Variants in SNTG1 observed in about 807,000 individuals in gnomAD.
The protein encoded by SNTG1 is gamma-1-syntrophin.
Under a neutral mutation model 74.7 loss-of-function variants are expected in SNTG1, and 39 were observed. That is an observed-to-expected ratio of 0.52 (90% CI 0.40 to 0.68). The LOEUF is 0.68. Ranked by LOEUF, SNTG1 falls within the 30% of genes least tolerant of loss-of-function variation. The pLI is 0.00. For synonymous variants in SNTG1, 254 were observed against 217.1 expected, an observed-to-expected ratio of 1.17 and a Z score of -1.49; for missense variants, 685 against 609.5, an observed-to-expected ratio of 1.12 and a Z score of -1.30.
intron 2 of SNTG1, among the ~76,000 whole-genome samples, chr8:50,280,826 G>C (rs2088398586): frequency 6.6e-6 from 1 of 151,878 alleles, no homozygotes; most frequent in Admixed American, 6.6e-5. Flanking sequence ...ACCTTTAACA[G>C]GTGCTAGACT....
intron 1 of SNTG1, among the ~76,000 whole-genome samples, chr8:50,152,275 T>G (rs2131545102): frequency 6.6e-6 from 1 of 152,314 alleles, no homozygotes; most frequent in Admixed American, 6.5e-5. Flanking sequence ...TCTTCCTCCA[T>G]CTCTTTATTT....
intron 15 of SNTG1, among the ~76,000 whole-genome samples, chr8:50,674,696 T>A (rs2095301880): frequency 6.6e-6 from 1 of 152,028 alleles, no homozygotes; most frequent in South Asian, 2.1e-4. Flanking sequence ...TTATTTCTTG[T>A]CTTCTGCTAA....
intron 1 of SNTG1, among the ~76,000 whole-genome samples, chr8:49,942,130 A>T (rs1002691762): frequency 6.6e-6 from 1 of 152,188 alleles, no homozygotes; most frequent in African/African-American, 2.4e-5. Flanking sequence ...AGAGGAGTAA[A>T]GGTAATATTG....
chr8:50,125,455 T>A (rs1446170857), intron 1 of SNTG1, among the ~76,000 whole-genome samples: 1 of 142,696 alleles, frequency 7.0e-6, no homozygotes, highest in Non-Finnish European at 1.6e-5. Context: ...TTAGGTTTTC[T>A]TTATTTATGA....
chr8:50,243,422 A>G (rs894444267), intron 2 of SNTG1, among the ~76,000 whole-genome samples: 5 of 152,162 alleles, frequency 3.3e-5, no homozygotes, highest in African/African-American at 1.2e-4. Flanking sequence ...TTGATTTTTA[A>G]AGATCCTCTC....
At chr8:50,503,783 T>C (rs559203684) in intron 9 of SNTG1, among the ~76,000 whole-genome samples, 1 of 152,220 alleles carries the variant, frequency 6.6e-6, no homozygotes, top group Non-Finnish European at 1.5e-5. Context: ...CATCTTTCTG[T>C]TGAAGATACC....
chr8:50,052,395 G>A (rs1225219330), intron 1 of SNTG1, among the ~76,000 whole-genome samples: 2 of 152,078 alleles, frequency 1.3e-5, no homozygotes, highest in Admixed American at 1.3e-4. Context: ...TAAGTTGGAT[G>A]CCTAATTTAC....
Position 50,285,762 on chromosome 8 carries a change from G to A in SNTG1, c.-27-108450G>A, listed in dbSNP as rs148587488. On this transcript the variant is annotated intron_variant, in intron 2 of 18. Coordinates refer to ENST00000642720, the MANE Select transcript of SNTG1 (RefSeq NM_018967.5). ...AATGGAATTTACAAAAACCATAAGG[G>A]CGTCATTCTTTTTTAAAATGTATTA... Among the ~76,000 whole-genome samples, 1,080 of 150,730 alleles carry A rather than the reference G, an allele frequency of 7.2e-3. 8 individuals carry two copies. The highest frequency in any genetic ancestry group is 0.021 in the Middle Eastern group (6 of 290).
At chr8:50,732,105 C>T (rs1221564885) in intron 17 of SNTG1, among the ~76,000 whole-genome samples, 2 of 151,946 alleles carry the variant, frequency 1.3e-5, no homozygotes, top group Non-Finnish European at 2.9e-5. Flanking sequence ...TCATATGACT[C>T]TAATACACAT....
chr8:49,999,406 C>T (rs750068396), intron 1 of SNTG1, among the ~76,000 whole-genome samples: 2 of 152,134 alleles, frequency 1.3e-5, no homozygotes, highest in Admixed American at 6.6e-5. Context: ...AGTGTTTCCT[C>T]ATCTGTCATT....
At chr8:50,279,567 T>C (rs184104327) in intron 2 of SNTG1, among the ~76,000 whole-genome samples, 43 of 152,298 alleles carry the variant, frequency 2.8e-4, no homozygotes, top group Admixed American at 2.5e-3. Context: ...ATCATGTAAA[T>C]TTAAAAAAAT....
intron 17 of SNTG1, among the ~76,000 whole-genome samples, chr8:50,725,494 T>C (rs147098210): frequency 5.9e-5 from 9 of 152,260 alleles, no homozygotes; most frequent in Admixed American, 3.3e-4. Context: ...CTTAATAATA[T>C]AATAAACAAC....
chr8:50,351,173 G>T (rs1007704284), intron 2 of SNTG1, among the ~76,000 whole-genome samples: 4 of 152,296 alleles, frequency 2.6e-5, no homozygotes, highest in African/African-American at 9.6e-5. Flanking sequence ...TGCCTGTGTT[G>T]CTCTTCTGAT....
intron 13 of SNTG1, among the ~76,000 whole-genome samples, chr8:50,620,960 T>G (rs1381445502): frequency 6.6e-6 from 1 of 152,108 alleles, no homozygotes; most frequent in African/African-American, 2.4e-5. Flanking sequence ...CATAGGCTAT[T>G]GCCAGGCCAT....
At chr8:50,259,993 T>C (rs1045209677) in intron 2 of SNTG1, among the ~76,000 whole-genome samples, 5 of 152,034 alleles carry the variant, frequency 3.3e-5, no homozygotes, top group African/African-American at 1.2e-4. Context: ...TTATGTAAGT[T>C]TTGCCACTGA....
chr8:50,502,702 A>G, intron 8 of SNTG1, 76 bp from the exon 9 acceptor site: 5 of 1,230,760 alleles, frequency 4.1e-6, no homozygotes, highest in Non-Finnish European at 5.7e-6. Context: ...AGAAACAACC[A>G]ATAATTTCAA....
chr8:50,064,595 T>C (rs1820750932), intron 1 of SNTG1, among the ~76,000 whole-genome samples: 1 of 152,250 alleles, frequency 6.6e-6, no homozygotes, highest in Non-Finnish European at 1.5e-5. Context: ...AAACTTCCAC[T>C]GTGGCCTGTG....
chr8:50,161,291 A>T (rs2131594105), intron 1 of SNTG1, among the ~76,000 whole-genome samples: 1 of 152,328 alleles, frequency 6.6e-6, no homozygotes, highest in African/African-American at 2.4e-5. Context: ...CTAAGCAAGG[A>T]AAAGTAACAG....
At chr8:50,007,251 G>T (rs964753388) in intron 1 of SNTG1, among the ~76,000 whole-genome samples, 1 of 152,110 alleles carries the variant, frequency 6.6e-6, no homozygotes, top group African/African-American at 2.4e-5. Flanking sequence ...CTGTTGCATG[G>T]GATAATATGA....
Sources: allele counts gnomAD v4.1 joint callset (sites outside exome capture counted in the v4.1 genomes callset), GRCh38; gene constraint gnomAD v4.1.1; transcripts MANE v1.5; gene names NCBI Gene and HGNC (gene_info 2026-07-23, HGNC 2026-07-21).